BCAT1: variants seen among roughly 807,000 people sequenced by gnomAD.
The protein encoded by BCAT1 is branched-chain-amino-acid aminotransferase, cytosolic.
In BCAT1, 48 loss-of-function variants were observed where a neutral mutation model predicts 52.4. The observed-to-expected ratio is 0.92, with a 90% CI of 0.73 to 1.16. The LOEUF (loss-of-function observed/expected upper bound fraction) is 1.16, where lower values mean the gene tolerates loss of function less well. Among genes scored for constraint, BCAT1 ranks in the 50% most tolerant of loss-of-function variants. The probability of loss-of-function intolerance (pLI) is 0.00; values close to 1 mark genes in which losing one functional copy is unlikely to be tolerated. For synonymous variants in BCAT1, 167 were observed against 161.3 expected, an observed-to-expected ratio of 1.04 and a Z score of -0.27; for missense variants, 451 against 457.1, an observed-to-expected ratio of 0.99 and a Z score of 0.12.
chr12:24,876,905 A>G (rs1356032459), intron 5 of BCAT1, among the ~76,000 whole-genome samples: 1 of 152,058 alleles, frequency 6.6e-6, no homozygotes, highest in East Asian at 1.9e-4. Context: ...CATGGCTTAC[A>G]TTTACCTATA....
intron 5 of BCAT1, among the ~76,000 whole-genome samples, chr12:24,863,310 G>T (rs532251598): frequency 1.3e-5 from 2 of 152,308 alleles, no homozygotes; most frequent in East Asian, 3.9e-4. Flanking sequence ...ATATTTTTAA[G>T]CACGCAAAAC....
Position 24,901,807 on chromosome 12 carries a change from A to T in BCAT1, c.78+7T>A. ...TTTAGACACTAAGCCTCTGGCAAGCAACTTACCTTAAAAGTCCCCACCACC... is the reference window on the plus strand; with the variant it reads ...TTTAGACACTAAGCCTCTGGCAAGCTACTTACCTTAAAAGTCCCCACCACC... On this transcript the variant is annotated splice_region_variant and intron_variant, in intron 2 of 10. Coordinates refer to ENST00000261192, the MANE Select transcript of BCAT1 (RefSeq NM_005504.7). 2 of 1,612,958 alleles carry T rather than the reference A, an allele frequency of 1.2e-6. No individual in the cohort carries two copies. The highest frequency in any genetic ancestry group is 1.7e-6 in the Non-Finnish European group (2 of 1,179,114).
chr12:24,819,192 C>A (rs1219361468), intron 10 of BCAT1, among the ~76,000 whole-genome samples: 1 of 151,954 alleles, frequency 6.6e-6, no homozygotes, highest in Non-Finnish European at 1.5e-5. Context: ...GTTCACCGAG[C>A]CTTGTGTATT....
chr12:24,861,008 T>G (rs1237560796), intron 5 of BCAT1, among the ~76,000 whole-genome samples: 1 of 152,232 alleles, frequency 6.6e-6, no homozygotes, highest in Admixed American at 6.5e-5. Flanking sequence ...CCAAGCATAA[T>G]AAGACTAAAG....
intron 6 of BCAT1, among the ~76,000 whole-genome samples, chr12:24,848,001 A>G (rs115617450): frequency 1.4e-3 from 208 of 152,358 alleles, no homozygotes; most frequent in African/African-American, 4.9e-3. Context: ...GGTCAGAAGC[A>G]TAGGAGGAGA....
intron 3 of BCAT1, among the ~76,000 whole-genome samples, chr12:24,885,614 T>TG (rs1942640946): frequency 6.6e-6 from 1 of 152,180 alleles, no homozygotes; most frequent in African/African-American, 2.4e-5. Flanking sequence ...AAGGCACTCT[T>TG]GGAGAACAAA....
At chr12:24,909,623 T>A (rs1267766386) in intron 1 of BCAT1, among the ~76,000 whole-genome samples, 3 of 152,262 alleles carry the variant, frequency 2.0e-5, no homozygotes, top group Admixed American at 6.5e-5. Context: ...ACCCAGGTGT[T>A]TCTTGGCTTG....
At chr12:24,849,227 CT>C (rs1343532986) in intron 6 of BCAT1, among the ~76,000 whole-genome samples, 1 of 152,268 alleles carries the variant, frequency 6.6e-6, no homozygotes, top group Non-Finnish European at 1.5e-5. Context: ...TTCCTGCCAG[CT>C]ACATATGGCC....
chr12:24,918,052 G>T (rs1943445852), intron 1 of BCAT1, among the ~76,000 whole-genome samples: 1 of 152,216 alleles, frequency 6.6e-6, no homozygotes, highest in Non-Finnish European at 1.5e-5. Context: ...TCACTCCAAG[G>T]AGATGCTTTC....
At chr12:24,821,260 T>A (rs1300846142) in intron 10 of BCAT1, among the ~76,000 whole-genome samples, 1 of 152,232 alleles carries the variant, frequency 6.6e-6, no homozygotes, top group African/African-American at 2.4e-5. Context: ...TAGATTTTTT[T>A]AATTCTATCT....
At chr12:24,899,884 A>G (rs1943051874) in intron 2 of BCAT1, among the ~76,000 whole-genome samples, 1 of 151,984 alleles carries the variant, frequency 6.6e-6, no homozygotes, top group African/African-American at 2.4e-5. Context: ...ATAGAATGAT[A>G]GATATCAGAA....
At chr12:24,864,086 C>T (rs1463992871) in intron 5 of BCAT1, among the ~76,000 whole-genome samples, 1 of 152,098 alleles carries the variant, frequency 6.6e-6, no homozygotes, top group Non-Finnish European at 1.5e-5. Context: ...ACTATAAAAG[C>T]AGAGGTGAGT....
At chr12:24,863,092 G>A (rs1321690466) in intron 5 of BCAT1, among the ~76,000 whole-genome samples, 1 of 152,168 alleles carries the variant, frequency 6.6e-6, no homozygotes, top group Admixed American at 6.5e-5. Context: ...TGATAAAAAG[G>A]CTGATCAACT....
intron 1 of BCAT1, among the ~76,000 whole-genome samples, chr12:24,931,804 GAAGTA>G (rs1303860919): frequency 6.6e-6 from 1 of 152,164 alleles, no homozygotes; most frequent in African/African-American, 2.4e-5. Flanking sequence ...CACAAATGAG[GAAGTA>G]AAGTAAAAAG....
chr12:24,825,745 T>C (rs1264285482), intron 10 of BCAT1, among the ~76,000 whole-genome samples: 2 of 152,226 alleles, frequency 1.3e-5, no homozygotes, highest in Non-Finnish European at 2.9e-5. Flanking sequence ...TTATAGACTC[T>C]GGTTATTAAT....
At chr12:24,876,118 T>A (rs1012296313) in intron 5 of BCAT1, among the ~76,000 whole-genome samples, 1 of 151,992 alleles carries the variant, frequency 6.6e-6, no homozygotes, top group Non-Finnish European at 1.5e-5. Context: ...AAAAACAGAA[T>A]GGTATGTGTA....
chr12:24,824,980 C>A (rs576433113), intron 10 of BCAT1, among the ~76,000 whole-genome samples: 1 of 152,056 alleles, frequency 6.6e-6, no homozygotes, highest in Non-Finnish European at 1.5e-5. Flanking sequence ...TTTTTTAGCA[C>A]CTGCATGAGA....
intron 1 of BCAT1, among the ~76,000 whole-genome samples, chr12:24,923,262 C>T (rs764054411): frequency 3.3e-5 from 5 of 152,184 alleles, no homozygotes; most frequent in Admixed American, 3.3e-4. Flanking sequence ...CAGACAAGGG[C>T]CAACTTTGCA....
chr12:24,895,430 G>A (rs1443294888), intron 2 of BCAT1, among the ~76,000 whole-genome samples: 1 of 151,926 alleles, frequency 6.6e-6, no homozygotes, highest in South Asian at 2.1e-4. Flanking sequence ...GGAGGCTGAG[G>A]CAGGAAAATC....
Sources: gnomAD v4.1 joint callset for allele counts (sites outside exome capture counted in the v4.1 genomes callset) on GRCh38, gnomAD v4.1.1 for gene constraint, MANE v1.5 for transcripts, NCBI Gene and HGNC (gene_info 2026-07-23, HGNC 2026-07-21) for gene names.